SPATA18: variants seen among roughly 807,000 people sequenced by gnomAD.
The protein encoded by SPATA18 is spermatogenesis associated 18, also known as mitochondria-eating protein.
SPATA18 carries 54 observed loss-of-function variants against 68.1 expected under a neutral mutation model. That is an observed-to-expected ratio of 0.79 (90% CI 0.64 to 0.99). The LOEUF (loss-of-function observed/expected upper bound fraction) is 0.99, where lower values mean the gene tolerates loss of function less well. SPATA18 is among the 50% of genes least tolerant of loss of function. The probability of loss-of-function intolerance (pLI) is 0.00; values close to 1 mark genes in which losing one functional copy is unlikely to be tolerated. For synonymous variants in SPATA18, 242 were observed against 244.8 expected (o/e 0.99, Z 0.11); for missense variants, 724 against 681.1 (o/e 1.06, Z -0.70).
At chr4:52,078,068 G>A (rs1330918458) in intron 7 of SPATA18, among the ~76,000 whole-genome samples, 6 of 149,686 alleles carry the variant, frequency 4.0e-5, no homozygotes, top group African/African-American at 1.2e-4. Context: ...CTGTCTGAAA[G>A]CTAAGAATGT....
intron 4 of SPATA18, among the ~76,000 whole-genome samples, chr4:52,065,517 A>C (rs1739240109): frequency 6.6e-6 from 1 of 152,216 alleles, no homozygotes; most frequent in Non-Finnish European, 1.5e-5. Context: ...GTGGTTTGCC[A>C]GTTTTCCCAA....
At chr4:52,085,407 C>A (rs1741332908) in intron 11 of SPATA18, among the ~76,000 whole-genome samples, 1 of 152,044 alleles carries the variant, frequency 6.6e-6, no homozygotes, top group South Asian at 2.1e-4. Flanking sequence ...ATTTCAATAC[C>A]TTATAAAGGG....
intron 1 of SPATA18, among the ~76,000 whole-genome samples, chr4:52,053,374 C>T (rs1324666403): frequency 2.0e-5 from 3 of 152,204 alleles, no homozygotes; most frequent in Admixed American, 6.5e-5. Context: ...CAGTGTTTTT[C>T]ATACCTTGTG....
At chr4:52,085,045 G>T (rs1560608200) in intron 11 of SPATA18, 46 bp downstream of exon 11, 3 of 1,346,792 alleles carry the variant, frequency 2.2e-6, no homozygotes, top group Non-Finnish European at 2.0e-6. Context: ...ATCTATGGTT[G>T]GCTTTTTTTT....
At chr4:52,067,270 T>C (rs555082604) in intron 4 of SPATA18, among the ~76,000 whole-genome samples, 1 of 152,360 alleles carries the variant, frequency 6.6e-6, no homozygotes, top group East Asian at 1.9e-4. Context: ...AACTTGTTTT[T>C]ATATGTTTGT....
At position 52,070,199 on chromosome 4, in the gene SPATA18, G is replaced by C. The variant is rs1306654544; in HGVS notation, c.518+283G>C. 2.6e-5 allele frequency among the ~76,000 whole-genome samples: 4 copies of C among 151,894 alleles called. No individual in the cohort carries two copies. The South Asian group carries it at 6.2e-4, about 24-fold the overall frequency. On this transcript the variant is annotated intron_variant, in intron 5 of 12. Transcript: ENST00000295213. ...CTTTCCAATTAATATATTAAAAATA[G>C]AGTGGAGACTACAGAATAAAATGTA... is the stretch of plus-strand genomic sequence containing the variant.
chr4:52,087,745 C>A (rs1175094760), intron 11 of SPATA18, among the ~76,000 whole-genome samples: 3 of 152,006 alleles, frequency 2.0e-5, no homozygotes, highest in Admixed American at 2.0e-4. Flanking sequence ...ATTGTCTTGG[C>A]TAGGAGGGCT....
At chr4:52,055,940 A>T (rs1241407440) in intron 1 of SPATA18, among the ~76,000 whole-genome samples, 2 of 152,122 alleles carry the variant, frequency 1.3e-5, no homozygotes, top group African/African-American at 4.8e-5. Flanking sequence ...GTCTCCATAA[A>T]ATTTCTTGAG....
At chr4:52,053,862 A>C (rs1412160506) in intron 1 of SPATA18, among the ~76,000 whole-genome samples, 1 of 152,222 alleles carries the variant, frequency 6.6e-6, no homozygotes, top group African/African-American at 2.4e-5. Flanking sequence ...CTAAATGTCA[A>C]GTCAGATCAA....
At chr4:52,094,805 T>G in intron 12 of SPATA18, 75 bp from the exon 13 acceptor site, 1 of 1,582,266 alleles carries the variant, frequency 6.3e-7, no homozygotes, top group South Asian at 1.1e-5. Context: ...ATTAACCGCC[T>G]CTTTCATTTA....
At chr4:52,081,502 G>T (rs2109498761) in intron 9 of SPATA18, among the ~76,000 whole-genome samples, 1 of 152,258 alleles carries the variant, frequency 6.6e-6, no homozygotes, top group South Asian at 2.1e-4. Context: ...TCATTGTCTT[G>T]TTCTTGATCT....
At chr4:52,061,242 T>C (rs964263129) in intron 3 of SPATA18, among the ~76,000 whole-genome samples, 2 of 152,100 alleles carry the variant, frequency 1.3e-5, no homozygotes, top group African/African-American at 4.8e-5. Context: ...AAACATCACA[T>C]GTTCTCACTC....
chr4:52,085,046 GCTT>G, intron 11 of SPATA18, 47 bp downstream of exon 11: 1 of 1,348,592 alleles, frequency 7.4e-7, no homozygotes, highest in Non-Finnish European at 1.0e-6. Context: ...TCTATGGTTG[GCTT>G]TTTTTTTTTT....
In SPATA18 at chr4:52,051,781, A is replaced by G. The variant is rs1280903961; in HGVS notation, c.77A>G (p.Lys26Arg). 3.7e-6 allele frequency: 6 copies of G among 1,614,096 alleles called. No homozygotes were observed. The Admixed American group carries it at 6.7e-5, about 18-fold the overall frequency. ...TLQEKLDFWL[K>R]EYNTNTCDQN... ...CAGGAAAAGCTAGACTTCTGGCTGA[A>G]GGAGTACAACGTGAGTCTGGGTGAA... Residue 26 changes from lysine (K) to arginine (R), a missense_variant, in exon 1 of 13, where the codon AAG (lysine) becomes AGG (arginine). Lys to Arg is a conservative substitution (Grantham distance 26). Transcript: ENST00000295213.
intron 4 of SPATA18, among the ~76,000 whole-genome samples, chr4:52,069,579 G>T (rs1437979650): frequency 6.6e-6 from 1 of 152,122 alleles, no homozygotes. Flanking sequence ...TAGTCTTTTG[G>T]GGGTAGTAGC....
intron 1 of SPATA18, among the ~76,000 whole-genome samples, chr4:52,054,077 G>A (rs1738128638): frequency 6.6e-6 from 1 of 152,224 alleles, no homozygotes; most frequent in Non-Finnish European, 1.5e-5. Context: ...AACTTTCTAT[G>A]ATGATGGACA....
rs1261037294 is a variant in SPATA18 at position 52,051,562 on chromosome 4, G to A, written c.-143G>A. 2.5e-6 allele frequency: 2 copies of A among 790,830 alleles called. No homozygotes were observed. The highest frequency in any genetic ancestry group is 4.0e-5 in the Admixed American group (2 of 50,388). 49.0% of individuals were successfully genotyped at this position (790,830 alleles called of 1,614,324 possible). On this transcript the variant is annotated 5_prime_UTR_variant, in exon 1 of 13. Transcript: ENST00000295213. ...ACCCGGCCAGGTCCGACCCGAGGGG[G>A]AGGATGGAAACACCTGCCGCGCTCT...
At chr4:52,091,793 C>T (rs537896418) in intron 11 of SPATA18, among the ~76,000 whole-genome samples, 8 of 152,306 alleles carry the variant, frequency 5.3e-5, no homozygotes, top group Non-Finnish European at 7.4e-5. Flanking sequence ...TAGCAGAGCT[C>T]GAATGCTGGG....
Position 52,067,887 on chromosome 4 carries a change from C to T in SPATA18, c.423-1934C>T, listed in dbSNP as rs565587657. Among the ~76,000 whole-genome samples, 12 of 152,346 alleles carry T rather than the reference C, an allele frequency of 7.9e-5. No homozygotes were observed. The South Asian group carries it at 2.5e-3, about 32-fold the overall frequency. On this transcript the variant is annotated intron_variant, in intron 4 of 12. Coordinates refer to ENST00000295213, the MANE Select transcript of SPATA18 (RefSeq NM_145263.4). The stretch of plus-strand genomic sequence containing the variant: ...CTGTTGTATCCCCAGTACTGAGCAT[C>T]ATGCCTGGCTCATAGTAAGTCCTCA...
Sources: allele counts gnomAD v4.1 joint callset (sites outside exome capture counted in the v4.1 genomes callset), GRCh38; gene constraint gnomAD v4.1.1; transcripts MANE v1.5; gene names NCBI Gene and HGNC (gene_info 2026-07-23, HGNC 2026-07-21).